ZNF248: variants seen among roughly 807,000 people sequenced by gnomAD.
ZNF248 encodes the protein KRAB protein domain.
In ZNF248, 20 loss-of-function variants were observed where a neutral mutation model predicts 44.3. The ratio of observed to expected loss-of-function variants is 0.45; its 90% CI spans 0.32 to 0.66. The LOEUF is 0.66. ZNF248 is among the 30% of genes least tolerant of loss of function. The pLI is 0.04. For missense variants in ZNF248, 654 were observed against 677.0 expected (o/e 0.97, Z 0.38); for synonymous variants, 224 against 229.0 (o/e 0.98, Z 0.20).
intron 6 of ZNF248, chr10:37,818,574 T>C (rs983669295): frequency 5.1e-5 from 20 of 395,822 alleles, no homozygotes; most frequent in Middle Eastern, 5.0e-4. Flanking sequence ...TTTGTGTGTG[T>C]TGAACAGTTT....
intron 5 of ZNF248, among the ~76,000 whole-genome samples, chr10:37,836,656 T>A (rs1350743585): frequency 6.6e-6 from 1 of 152,104 alleles, no homozygotes; most frequent in Non-Finnish European, 1.5e-5. Flanking sequence ...TTCGTCCTCC[T>A]TTCCTGTGTG....
At chr10:37,810,983 T>C (rs2051400735) in intron 6 of ZNF248, among the ~76,000 whole-genome samples, 1 of 152,218 alleles carries the variant, frequency 6.6e-6, no homozygotes, top group Admixed American at 6.5e-5. Flanking sequence ...AAACTGCATA[T>C]GACAGTAAAA....
chr10:37,790,131 C>T (rs2048325533), intron 6 of ZNF248, among the ~76,000 whole-genome samples: 6 of 150,190 alleles, frequency 4.0e-5, no homozygotes, highest in Admixed American at 4.0e-4. Flanking sequence ...ATGAGACAGG[C>T]GCGGTGGCAG....
chr10:37,802,722 TTTAG>T (rs1246524607), intron 6 of ZNF248: 1 of 152,198 alleles, frequency 6.6e-6, no homozygotes, highest in Non-Finnish European at 1.5e-5. Context: ...ACGCAGGTGC[TTTAG>T]TTGTTTATTT....
At chr10:37,779,466 C>T (rs948601583) in intron 6 of ZNF248, among the ~76,000 whole-genome samples, 1 of 152,156 alleles carries the variant, frequency 6.6e-6, no homozygotes, top group East Asian at 1.9e-4. Flanking sequence ...ATTCAACAAC[C>T]CTTCATGCTA....
At chr10:37,819,258 A>G in intron 6 of ZNF248, 1 of 880,424 alleles carries the variant, frequency 1.1e-6, no homozygotes, top group Non-Finnish European at 1.9e-6. Context: ...CGTTTCAGAT[A>G]GAAGTTTAGA....
chr10:37,785,500 T>C (rs2047780870), intron 6 of ZNF248, among the ~76,000 whole-genome samples: 3 of 152,192 alleles, frequency 2.0e-5, no homozygotes, highest in Admixed American at 2.0e-4. Flanking sequence ...GTAATTTATA[T>C]AAATAGGTGA....
chr10:37,820,309 G>A, intron 6 of ZNF248: 1 of 1,399,444 alleles, frequency 7.1e-7, no homozygotes, highest in Admixed American at 1.7e-5. Context: ...CTGTTTTGCT[G>A]AGCTGAAACA....
chr10:37,774,513 C>T (rs1306643386), downstream of ZNF248, among the ~76,000 whole-genome samples: 5 of 152,086 alleles, frequency 3.3e-5, no homozygotes, highest in Admixed American at 6.6e-5. Flanking sequence ...TTATAAAACA[C>T]CTGGGGATAT....
downstream of ZNF248, among the ~76,000 whole-genome samples, chr10:37,824,672 A>ATTTTTTTTTT (rs1564542451): frequency 5.5e-4 from 34 of 61,316 alleles, no homozygotes; most frequent in African/African-American, 2.2e-3. Context: ...AATTATTTTA[A>ATTTTTTTTTT]ATTTTTTTTT....
intron 6 of ZNF248, among the ~76,000 whole-genome samples, chr10:37,792,601 T>C (rs1002933353): frequency 6.6e-6 from 1 of 152,150 alleles, no homozygotes; most frequent in Non-Finnish European, 1.5e-5. Context: ...TGATCAAAGT[T>C]AGCACCATCA....
intron 6 of ZNF248, chr10:37,820,837 C>T: frequency 1.7e-6 from 2 of 1,188,038 alleles, no homozygotes; most frequent in African/African-American, 1.5e-5. Flanking sequence ...TGAATATTTC[C>T]CATTCTGTTT....
At position 37,811,681 on chromosome 10, in the gene ZNF248, A is replaced by AAT. The variant is rs1554822029; in HGVS notation, c.330+21342_330+21343dup. Among the ~76,000 whole-genome samples the AAT allele has an allele frequency of 7.0e-3, 991 of 141,978 alleles. 8 individuals are homozygous for AAT. The highest frequency in any genetic ancestry group is 0.011 in the Non-Finnish European group (742 of 64,784). The allele number at this position is 141,978 out of a possible 152,430, so 93.1% of individuals were successfully genotyped here. Reference sequence around the variant, plus strand: ...AAAACCCTGTCTCTACAAAAAAAAAAATATATATATATATATTAGTCAGGT... The same window carrying AAT: ...AAAACCCTGTCTCTACAAAAAAAAAAATATATATATATATATATTAGTCAGGT... On this transcript the variant is annotated intron_variant, in intron 6 of 6. Transcript: ENST00000615949.
At chr10:37,804,919 G>T (rs2050348241) in intron 6 of ZNF248, among the ~76,000 whole-genome samples, 2 of 151,894 alleles carry the variant, frequency 1.3e-5, no homozygotes, top group African/African-American at 4.8e-5. Flanking sequence ...ACTTTATTTT[G>T]TATATCAGCT....
At chr10:37,767,507 T>C in the ZNF248 span, among the ~76,000 whole-genome samples, 1 of 152,246 alleles carries the variant, frequency 6.6e-6, no homozygotes, top group Admixed American at 6.5e-5. Context: ...ACCCAGAATT[T>C]CATATCCAGC....
In ZNF248 at chr10:37,831,980, T is replaced by A. The variant is rs1454885214; in HGVS notation, c.1375A>T (p.Thr459Ser). Residue 459 changes from threonine to serine, a missense_variant, in exon 6 of 6, where the codon ACA (threonine) becomes TCA (serine). By Grantham distance (58) the Thr-to-Ser change is moderately conservative (BLOSUM62 1). Transcript: ENST00000395867. ...TTACATTCATAGGGCTTCTCCCCTG[T>A]GTGTGTTCTCTGATGTTCAGTGAGG... ...SNLTEHQRTH[T>S]GEKPYECNAC... The A allele has an allele frequency of 6.2e-7, 1 of 1,614,106 alleles. No individual in the cohort carries two copies. The highest frequency in any genetic ancestry group is 1.7e-5 in the Admixed American group (1 of 60,016).
At chr10:37,827,718 C>T (rs979965569), downstream of ZNF248, among the ~76,000 whole-genome samples, 9 of 152,136 alleles carry the variant, frequency 5.9e-5, no homozygotes, top group Admixed American at 3.3e-4. Flanking sequence ...ATGAAAGGAT[C>T]CAGGGCAGTC....
chr10:37,837,981 T>C lies in ZNF248; in HGVS notation c.142+4A>G. On this transcript the variant is annotated splice_donor_region_variant and intron_variant, in intron 4 of 5. Coordinates refer to ENST00000395867, the MANE Select transcript of ZNF248 (RefSeq NM_021045.3). ...ATAGCCATGTGCGGAAAAAAACTCCTTACCTACTGAGACAAGATTGCTATA... is the reference window on the plus strand; with the variant it reads ...ATAGCCATGTGCGGAAAAAAACTCCCTACCTACTGAGACAAGATTGCTATA... 6.2e-7 allele frequency: 1 copy of C among 1,612,574 alleles called. No homozygotes were observed. The highest frequency in any genetic ancestry group is 8.5e-7 in the Non-Finnish European group (1 of 1,179,166).
intron 6 of ZNF248, chr10:37,820,109 G>C: frequency 1.1e-6 from 1 of 924,442 alleles, no homozygotes; most frequent in Non-Finnish European, 1.8e-6. Context: ...TCAATCTGCT[G>C]TGTCAAATCA....
Sources: gnomAD v4.1 joint callset for allele counts (sites outside exome capture counted in the v4.1 genomes callset) on GRCh38, gnomAD v4.1.1 for gene constraint, MANE v1.5 for transcripts, NCBI Gene and HGNC (gene_info 2026-07-23, HGNC 2026-07-21) for gene names.